Variants in RAD51 observed in about 807,000 individuals in gnomAD.
RAD51 encodes DNA repair protein RAD51 homolog 1.
A neutral mutation model predicts 41.5 loss-of-function variants in RAD51; 14 were observed. The observed-to-expected ratio is 0.34, with a 90% CI of 0.22 to 0.53. The LOEUF (loss-of-function observed/expected upper bound fraction) is 0.53, where lower values mean the gene tolerates loss of function less well. RAD51 is among the 20% of genes least tolerant of loss of function. RAD51 has a pLI of 0.95. For missense variants in RAD51, 234 were observed against 422.0 expected, an observed-to-expected ratio of 0.55 and a Z score of 3.90; for synonymous variants, 136 against 148.6, an observed-to-expected ratio of 0.92 and a Z score of 0.62.
chr15:40,718,938 C>G (rs970820192), intron 6 of RAD51, 39 bp downstream of exon 6: 1 of 1,520,566 alleles, frequency 6.6e-7, no homozygotes, highest in African/African-American at 1.4e-5. Context: ...TATGGCTACA[C>G]TTATCAATGT....
At position 40,709,089 on chromosome 15, in the gene RAD51, C is replaced by A. The variant is rs759998508; in HGVS notation, c.408C>A (p.Ile136=). The part of the protein sequence containing the change: ...FGEFRTGKTQ[I]CHTLAVTCQL... ...AATTCCGAACTGGGAAGACCCAGAT[C>A]TGTCATACGCTAGCTGTCACCTGCC... The change falls in exon 5 of 10, where the codon ATC becomes ATA. Residue 136 remains isoleucine, a synonymous_variant. Coordinates refer to ENST00000267868, the MANE Select transcript of RAD51 (RefSeq NM_002875.5). The A allele has an allele frequency of 4.7e-5, 76 of 1,613,890 alleles. No individual in the cohort carries two copies. The East Asian group carries it at 1.7e-3, about 35-fold the overall frequency.
chr15:40,726,473 C>A (rs897224795), intron 6 of RAD51, among the ~76,000 whole-genome samples: 2 of 151,706 alleles, frequency 1.3e-5, no homozygotes, highest in Non-Finnish European at 2.9e-5. Flanking sequence ...AGGCTAGTCT[C>A]GAACTCCTGA....
At position 40,721,270 on chromosome 15, in the gene RAD51, CAA is replaced by C. The variant is rs568476922; in HGVS notation, c.530+2373_530+2374del. Among the ~76,000 whole-genome samples the C allele has an allele frequency of 2.9e-4, 44 of 151,950 alleles. No individual in the cohort carries two copies. The South Asian group carries it at 8.5e-3, about 29-fold the overall frequency. ...AGCAAGCTTTTTTTGCAGAAATTTA[CAA>C]AGTAATCATAATATTTATGGAACAT... is the stretch of plus-strand genomic sequence containing the variant. On this transcript the variant is annotated intron_variant, in intron 6 of 9. Transcript: ENST00000267868.
intron 2 of RAD51, among the ~76,000 whole-genome samples, chr15:40,700,159 C>G (rs116355830): frequency 2.4e-4 from 36 of 152,270 alleles, no homozygotes; most frequent in African/African-American, 7.5e-4. Flanking sequence ...ATTCTCCCAA[C>G]CCCTGAATGC....
chr15:40,731,030 G>A, intron 9 of RAD51, 25 bp from the exon 10 acceptor site: 2 of 1,613,908 alleles, frequency 1.2e-6, no homozygotes, highest in African/African-American at 1.3e-5. Context: ...ATAAATTGGT[G>A]CTTTGGTCTG....
chr15:40,731,836 T>G lies in RAD51; in HGVS notation c.*658T>G, dbSNP rs558478364. On this transcript the variant is annotated 3_prime_UTR_variant, in exon 10 of 10. Coordinates refer to ENST00000267868, the MANE Select transcript of RAD51 (RefSeq NM_002875.5). The stretch of plus-strand genomic sequence containing the variant: ...TCTTGCGCCTGTACTCCCAGCACTT[T>G]GGGAGGCCGAGGCAGGTGGATCGCT... 1 of 211,644 alleles carries G rather than the reference T, an allele frequency of 4.7e-6. No homozygotes were observed. Among genetic ancestry groups the G allele is most frequent in the Admixed American group, 5.9e-5 (1 of 17,042 alleles). 13.1% of individuals were successfully genotyped at this position (211,644 alleles called of 1,614,324 possible).
chr15:40,730,382 T>TA (rs1464974034), intron 9 of RAD51, among the ~76,000 whole-genome samples: 1 of 149,282 alleles, frequency 6.7e-6, no homozygotes, highest in African/African-American at 2.5e-5. Flanking sequence ...CGTGTGCCTG[T>TA]AGTCTTAGCT....
upstream of RAD51, chr15:40,694,912 A>T (rs1384799747): frequency 2.0e-5 from 3 of 151,468 alleles, no homozygotes; most frequent in Non-Finnish European, 4.4e-5. Context: ...TTAGCCTCGA[A>T]CTCCTAGGCT....
chr15:40,708,627 A>T (rs1404637054), intron 4 of RAD51, among the ~76,000 whole-genome samples: 3 of 152,168 alleles, frequency 2.0e-5, no homozygotes, highest in African/African-American at 7.2e-5. Context: ...TGTGTCACCC[A>T]GGCTAGAGTG....
chr15:40,698,603 A>G (rs1894797574), intron 1 of RAD51, among the ~76,000 whole-genome samples, 154 bp from the exon 2 acceptor site: 1 of 152,228 alleles, frequency 6.6e-6, no homozygotes, highest in Non-Finnish European at 1.5e-5. Flanking sequence ...CCTACACTGA[A>G]GGAATATAAA....
In RAD51 at chr15:40,731,357, A is replaced by G. The variant is rs1896868676; in HGVS notation, c.*179A>G. On this transcript the variant is annotated 3_prime_UTR_variant, in exon 10 of 10. Coordinates refer to ENST00000267868, the MANE Select transcript of RAD51 (RefSeq NM_002875.5). ...AAACAGGAGACAGGTCAGTAGTCAC[A>G]AACTGATCTAAAATGTTTATTCCTT... The G allele has an allele frequency of 6.9e-6, 5 of 727,352 alleles. No individual in the cohort carries two copies. Among genetic ancestry groups the G allele is most frequent in the Non-Finnish European group, 1.1e-5 (5 of 442,450 alleles). 45.1% of individuals were successfully genotyped at this position (727,352 alleles called of 1,614,324 possible).
chr15:40,731,078 G>A lies in RAD51; in HGVS notation c.920G>A (p.Gly307Glu). ...TTRLYLRKGR[G>E]ETRICKIYDS... ...AGATTGTATCTGAGGAAAGGAAGAG[G>A]GGAAACCAGAATCTGCAAAATCTAC... The change falls in exon 10 of 10, where the codon GGG becomes GAG. Residue 307 changes from glycine (G) to glutamate (E), a missense_variant. This residue lies in a region of RAD51 where 134 missense variants were observed against 286.5 expected (regional missense o/e 0.47). Coordinates refer to ENST00000267868, the MANE Select transcript of RAD51 (RefSeq NM_002875.5). The A allele has an allele frequency of 6.2e-7, 1 of 1,614,114 alleles. No individual in the cohort carries two copies. The highest frequency in any genetic ancestry group is 8.5e-7 in the Non-Finnish European group (1 of 1,180,006).
At position 40,698,500 on chromosome 15, in the gene RAD51, T is replaced by C. The variant is rs562408195; in HGVS notation, c.-2-257T>C. On this transcript the variant is annotated intron_variant, in intron 1 of 9. Coordinates refer to ENST00000267868, the MANE Select transcript of RAD51 (RefSeq NM_002875.5). ...CGCGCCCCGCCAAGATCAACTTTTT[T>C]AGATTCTACATATGAGTGAGATCAT... is the stretch of plus-strand genomic sequence containing the variant. Among the ~76,000 whole-genome samples the C allele has an allele frequency of 2.0e-5, 3 of 152,304 alleles. No homozygotes were observed. The East Asian group carries it at 5.8e-4, about 29-fold the overall frequency.
intron 5 of RAD51, among the ~76,000 whole-genome samples, chr15:40,714,813 A>G (rs992164853): frequency 3.3e-5 from 5 of 152,214 alleles, no homozygotes; most frequent in African/African-American, 1.2e-4. Flanking sequence ...GAAAAGTCAT[A>G]AAGTTGAGAG....
At chr15:40,704,385 G>C (rs1474438728) in intron 3 of RAD51, among the ~76,000 whole-genome samples, 1 of 120,824 alleles carries the variant, frequency 8.3e-6, no homozygotes, top group South Asian at 2.7e-4. Context: ...TTTTTCTGAT[G>C]CAGTCTCACT....
chr15:40,708,108 C>A (rs2141834678), intron 4 of RAD51, among the ~76,000 whole-genome samples: 1 of 150,242 alleles, frequency 6.7e-6, no homozygotes, highest in African/African-American at 2.5e-5. Flanking sequence ...CACTTCCGCC[C>A]CCAGGTTCAA....
intron 6 of RAD51, among the ~76,000 whole-genome samples, chr15:40,727,765 G>C (rs1229964339): frequency 2.0e-4 from 30 of 151,942 alleles, no homozygotes; most frequent in Admixed American, 1.9e-3. Flanking sequence ...GGATCGTAAG[G>C]TGTAACTCTA....
intron 5 of RAD51, among the ~76,000 whole-genome samples, chr15:40,711,183 C>G (rs1372508912): frequency 1.3e-5 from 2 of 152,102 alleles, no homozygotes; most frequent in Non-Finnish European, 2.9e-5. Flanking sequence ...TTGCTTGAGA[C>G]CAGGAATTTG....
chr15:40,716,730 G>A (rs1478140139), intron 5 of RAD51, among the ~76,000 whole-genome samples: 2 of 141,500 alleles, frequency 1.4e-5, no homozygotes, highest in African/African-American at 5.4e-5. Flanking sequence ...GCACGATCTC[G>A]GCTCACTGCA....
Sources: gnomAD v4.1 joint callset for allele counts (sites outside exome capture counted in the v4.1 genomes callset) on GRCh38, gnomAD v4.1.1 for gene constraint, gnomAD v4.1.1 regional missense constraint, MANE v1.5 for transcripts, NCBI Gene and HGNC (gene_info 2026-07-23, HGNC 2026-07-21) for gene names.